SCYL2: variants seen among roughly 807,000 people sequenced by gnomAD.
The protein encoded by SCYL2 is SCY1-like protein 2.
A neutral mutation model predicts 100.4 loss-of-function variants in SCYL2; 36 were observed. That is an observed-to-expected ratio of 0.36 (90% confidence interval 0.27 to 0.47). The LOEUF is 0.47. Ranked by LOEUF, SCYL2 falls within the 20% of genes least tolerant of loss-of-function variation. The pLI is 1.00. For synonymous variants in SCYL2, 330 were observed against 359.2 expected (o/e 0.92, Z 0.92); for missense variants, 902 against 1,083.9 (o/e 0.83, Z 2.36).
At chr12:100,309,926 T>C (rs2096340077) in intron 4 of SCYL2, among the ~76,000 whole-genome samples, 1 of 152,188 alleles carries the variant, frequency 6.6e-6, no homozygotes, top group East Asian at 1.9e-4. Context: ...CAGCAGTTAT[T>C]ATTTTTTTCT....
At chr12:100,290,088 T>G (rs2135847572) in intron 2 of SCYL2, among the ~76,000 whole-genome samples, 1 of 152,358 alleles carries the variant, frequency 6.6e-6, no homozygotes, top group East Asian at 1.9e-4. Flanking sequence ...GGTATTACAA[T>G]AAGTTCTTTT....
chr12:100,327,428 G>T (rs1328929711), intron 12 of SCYL2, among the ~76,000 whole-genome samples: 3 of 151,964 alleles, frequency 2.0e-5, no homozygotes, highest in Non-Finnish European at 2.9e-5. Flanking sequence ...AAATGCCAGG[G>T]GTCTGCTGCA....
Position 100,339,436 on chromosome 12 carries a change from A to G in SCYL2, c.*264A>G. ...GCCCTTCCCAATCTCAAAGAGAAAA[A>G]GGAAACTGAGTTATCTTGAATAACA... On this transcript the variant is annotated 3_prime_UTR_variant, in exon 18 of 18. Transcript: ENST00000360820. 4.8e-6 allele frequency: 2 copies of G among 415,544 alleles called. No individual in the cohort carries two copies. Among genetic ancestry groups the G allele is most frequent in the Non-Finnish European group, 8.6e-6 (2 of 232,544 alleles). 25.7% of individuals were successfully genotyped at this position (415,544 alleles called of 1,614,324 possible).
chr12:100,283,657 T>C (rs1017829343), intron 2 of SCYL2, among the ~76,000 whole-genome samples: 1 of 152,186 alleles, frequency 6.6e-6, no homozygotes, highest in Non-Finnish European at 1.5e-5. Flanking sequence ...AATATATGGG[T>C]TGTAAAATGT....
chr12:100,338,552 A>G lies in SCYL2; in HGVS notation c.2170A>G (p.Met724Val), dbSNP rs1352460544. Residue 724 changes from methionine to valine, a missense_variant, in exon 18 of 18, where the codon ATG becomes GTG. By Grantham distance (21) the Met-to-Val change is conservative (BLOSUM62 1). Coordinates refer to ENST00000360820, the MANE Select transcript of SCYL2 (RefSeq NM_017988.6). ...KQTKDLTDTL[M>V]DNMSSLTSLS... ...GACTAAGGACTTGACAGACACACTG[A>G]TGGATAATATGTCATCCTTGACCAG... 1 of 1,610,036 alleles carries G rather than the reference A, an allele frequency of 6.2e-7. No individual in the cohort carries two copies. Among genetic ancestry groups the G allele is most frequent in the African/African-American group, 1.3e-5 (1 of 74,754 alleles).
intron 3 of SCYL2, among the ~76,000 whole-genome samples, chr12:100,297,237 A>G (rs2096321936): frequency 1.3e-5 from 2 of 152,150 alleles, no homozygotes; most frequent in South Asian, 4.1e-4. Flanking sequence ...CTTTATACTA[A>G]CCCTTCAAGG....
rs539886605 is a variant in SCYL2 at position 100,273,351 on chromosome 12, A to G, written c.-29+5559A>G. ...TTCTATTCCTCTTCTTTTTGTTCCT[A>G]TAACACTGTGCATGTATATTCTGTA... On this transcript the variant is annotated intron_variant, in intron 1 of 17. Coordinates refer to ENST00000360820, the MANE Select transcript of SCYL2 (RefSeq NM_017988.6). Among the ~76,000 whole-genome samples, 7 of 152,212 alleles carry G rather than the reference A, an allele frequency of 4.6e-5. 1 individual carries two copies. The East Asian group carries it at 1.3e-3, about 29-fold the overall frequency.
At chr12:100,281,019 G>GTTTTTTTTTTTTT (rs202048587) in intron 1 of SCYL2, among the ~76,000 whole-genome samples, 8 of 50,492 alleles carry the variant, frequency 1.6e-4, no homozygotes, top group East Asian at 1.2e-3. Context: ...TACCATCAGT[G>GTTTTTTTTTTTTT]TTTTTTTTTT....
chr12:100,310,927 A>T, intron 4 of SCYL2, 117 bp from the exon 5 acceptor site: 1 of 964,262 alleles, frequency 1.0e-6, no homozygotes, highest in Non-Finnish European at 1.4e-6. Flanking sequence ...TTTGATTTTT[A>T]GCTGACACGC....
At chr12:100,311,622 G>T (rs576886384) in intron 5 of SCYL2, among the ~76,000 whole-genome samples, 1 of 152,160 alleles carries the variant, frequency 6.6e-6, no homozygotes, top group East Asian at 1.9e-4. Flanking sequence ...TAACTCAGTG[G>T]GGTATAGGAA....
chr12:100,329,107 A>G lies in SCYL2; in HGVS notation c.1643-94A>G, dbSNP rs1952175008. 30 of 658,450 alleles carry G rather than the reference A, an allele frequency of 4.6e-5. No individual in the cohort carries two copies. The South Asian group carries it at 5.4e-4, about 12-fold the overall frequency. 40.8% of individuals were successfully genotyped at this position (658,450 alleles called of 1,614,324 possible). A position where few individuals can be genotyped will look rare whatever the true frequency, so the allele number is the denominator to read the frequency against. On this transcript the variant is annotated intron_variant, in intron 12 of 17. Transcript: ENST00000360820. ...ATTGGGAAAAACTTGTACTACACAG[A>G]TTATCAAGGGATTTCGTATACATAT...
Position 100,335,947 on chromosome 12 carries a change from C to T in SCYL2, c.2025+41C>T, listed in dbSNP as rs778061831. On this transcript the variant is annotated intron_variant, in intron 16 of 17. Transcript: ENST00000360820. ...GTTCTTTCAGCCCTCTTATTTTATG[C>T]TGTAGGACTTCCTGTAAACCACAGA... is the stretch of plus-strand genomic sequence containing the variant. The T allele has an allele frequency of 9.7e-6, 14 of 1,437,986 alleles. No homozygotes were observed. In the South Asian group the frequency reaches 1.6e-4, roughly 17 times the overall value. The allele number at this position is 1,437,986 out of a possible 1,614,324, so 89.1% of individuals were successfully genotyped here. A position where few individuals can be genotyped will look rare whatever the true frequency, so the allele number is the denominator to read the frequency against.
At position 100,267,185 on chromosome 12, in the gene SCYL2, T is replaced by TC. The variant is rs1394855063; in HGVS notation, c.-631dup. On this transcript the variant is annotated 5_prime_UTR_variant, in exon 1 of 18. Transcript: ENST00000360820. The stretch of plus-strand genomic sequence containing the variant: ...CGGCCGGCAGGTCTTTTAGTCTTTT[T>TC]CCCCCTCCCTTACTCTTCGTCCCCG... 1.3e-5 allele frequency: 16 copies of TC among 1,217,312 alleles called. No homozygotes were observed. Among genetic ancestry groups the TC allele is most frequent in the East Asian group, 2.4e-5 (1 of 41,696 alleles). 75.4% of individuals were successfully genotyped at this position (1,217,312 alleles called of 1,614,324 possible). A position where few individuals can be genotyped will look rare whatever the true frequency, so the allele number is the denominator to read the frequency against.
chr12:100,282,549 T>A (rs2135830755), intron 1 of SCYL2, among the ~76,000 whole-genome samples: 1 of 152,208 alleles, frequency 6.6e-6, no homozygotes, highest in Middle Eastern at 3.4e-3. Context: ...GGTCTCAAAC[T>A]TCTGACCTCA....
In SCYL2 at chr12:100,307,429, C is replaced by G. The variant is rs542010307; in HGVS notation, c.481-3615C>G. ...TATTTAATGAATAGTGTTGGGAAAA[C>G]TGGCTAGCCACATGCAGAAAACTGA... On this transcript the variant is annotated intron_variant, in intron 4 of 17. Coordinates refer to ENST00000360820, the MANE Select transcript of SCYL2 (RefSeq NM_017988.6). 2.0e-4 allele frequency among the ~76,000 whole-genome samples: 30 copies of G among 152,278 alleles called. 1 individual carries two copies. In the South Asian group the frequency reaches 6.2e-3, roughly 32 times the overall value.
chr12:100,330,014 A>C (rs1378217946), intron 13 of SCYL2, among the ~76,000 whole-genome samples: 4 of 152,188 alleles, frequency 2.6e-5, no homozygotes, highest in African/African-American at 9.6e-5. Flanking sequence ...CAAGGAAGTG[A>C]TACCCCATCA....
chr12:100,333,614 C>CTATG (rs1200775628), intron 13 of SCYL2: 4 of 152,200 alleles, frequency 2.6e-5, no homozygotes, highest in African/African-American at 4.8e-5. Context: ...TTAACCAAAG[C>CTATG]TTAAACTATG....
In SCYL2 at chr12:100,339,926, T is replaced by C. The variant is rs55933058; in HGVS notation, c.*754T>C. On this transcript the variant is annotated 3_prime_UTR_variant, in exon 18 of 18. Coordinates refer to ENST00000360820, the MANE Select transcript of SCYL2 (RefSeq NM_017988.6). ...CCTCCTGTATCAAGGAAGAGGTATG[T>C]GCTGATTTGTTTGGATATTTGACAA... The C allele has an allele frequency of 6.6e-6, 1 of 152,546 alleles. No individual in the cohort carries two copies. Among genetic ancestry groups the C allele is most frequent in the African/African-American group, 2.4e-5 (1 of 41,454 alleles). 9.4% of individuals were successfully genotyped at this position (152,546 alleles called of 1,614,324 possible). A position where few individuals can be genotyped will look rare whatever the true frequency, so the allele number is the denominator to read the frequency against.
intron 3 of SCYL2, among the ~76,000 whole-genome samples, chr12:100,294,424 GC>G (rs2096315174): frequency 1.7e-5 from 2 of 114,714 alleles, no homozygotes; most frequent in African/African-American, 3.4e-5. Context: ...GGCTGGCCGG[GC>G]GGGGGGGCTC....
Sources: allele counts gnomAD v4.1 joint callset (sites outside exome capture counted in the v4.1 genomes callset), GRCh38; gene constraint gnomAD v4.1.1; transcripts MANE v1.5; gene names NCBI Gene and HGNC (gene_info 2026-07-23, HGNC 2026-07-21).